BOD1L1: variants seen among roughly 807,000 people sequenced by gnomAD.
The protein encoded by BOD1L1 is biorientation of chromosomes in cell division protein 1-like 1.
Under a neutral mutation model 240.7 loss-of-function variants are expected in BOD1L1, and 86 were observed. The ratio of observed to expected loss-of-function variants is 0.36; its 90% CI spans 0.30 to 0.43. BOD1L1 has a LOEUF of 0.43. Among genes scored for constraint, BOD1L1 ranks in the 20% least tolerant of loss-of-function variants. The pLI is 1.00. For missense variants in BOD1L1, 3,554 were observed against 3,643.5 expected (o/e 0.98, Z 0.63); for synonymous variants, 1,268 against 1,272.3 (o/e 1.00, Z 0.07).
In BOD1L1 at chr4:13,577,964, C is replaced by A. The variant is rs567808639; in HGVS notation, c.8750-333G>T. 1.5e-5 allele frequency: 3 copies of A among 194,352 alleles called. No individual in the cohort carries two copies. The South Asian group carries it at 2.6e-4, about 17-fold the overall frequency. The allele number at this position is 194,352 out of a possible 1,614,324, so 12.0% of individuals were successfully genotyped here. A position where few individuals can be genotyped will look rare whatever the true frequency, so the allele number is the denominator to read the frequency against. ...AGTCATTCAGGCTGGAGTGCAGTGG[C>A]GTGATCTTGGCTCAATGCAACCTCC... is the stretch of plus-strand genomic sequence containing the variant. On this transcript the variant is annotated intron_variant, in intron 22 of 25. Coordinates refer to ENST00000040738, the MANE Select transcript of BOD1L1 (RefSeq NM_148894.3).
Position 13,591,974 on chromosome 4 carries a change from A to G in BOD1L1, c.8105-8T>C, listed in dbSNP as rs1714255025. 6.5e-7 allele frequency: 1 copy of G among 1,539,912 alleles called. No homozygotes were observed. Among genetic ancestry groups the G allele is most frequent in the Non-Finnish European group, 8.8e-7 (1 of 1,141,526 alleles). ...GCTCCCTCTGGAGTTCAGCTGTTCA[A>G]AAATAAAAATGAGATGTAAAGAAAC... is the stretch of plus-strand genomic sequence containing the variant. On this transcript the variant is annotated splice_polypyrimidine_tract_variant and splice_region_variant and intron_variant, in intron 12 of 25. Coordinates refer to ENST00000040738, the MANE Select transcript of BOD1L1 (RefSeq NM_148894.3).
intron 22 of BOD1L1, among the ~76,000 whole-genome samples, chr4:13,579,151 G>T (rs1713011887): frequency 6.6e-6 from 1 of 152,152 alleles, no homozygotes; most frequent in African/African-American, 2.4e-5. Context: ...AAAGAGGACT[G>T]TCTTAAAATG....
rs773765710 is a variant in BOD1L1 at position 13,602,881 on chromosome 4, G to T, written c.4019C>A (p.Thr1340Lys). 4 of 1,613,986 alleles carry T rather than the reference G, an allele frequency of 2.5e-6. No individual in the cohort carries two copies. The Admixed American group carries it at 5.0e-5, about 20-fold the overall frequency. The change falls in exon 10 of 26, where the codon ACA becomes AAA. Residue 1340 changes from threonine (T) to lysine (K), a missense_variant. By Grantham distance (78) the Thr-to-Lys change is moderately conservative (BLOSUM62 -1). Around this residue, in one of 2 missense-constraint regions of BOD1L1, gnomAD observed 3,393 missense variants for 3,427.1 expected, o/e 0.99. Coordinates refer to ENST00000040738, the MANE Select transcript of BOD1L1 (RefSeq NM_148894.3). The stretch of plus-strand genomic sequence containing the variant: ...TTCACCACCTTCTTTGCTGTCACTT[G>T]TCTTAAGGACTTCTGATTCCCTAAC... ...LTVRESEVLK[T>K]SDSKEGGEGF... is the part of the protein sequence containing the mutation.
intron 17 of BOD1L1, among the ~76,000 whole-genome samples, chr4:13,584,322 C>G (rs1190629638): frequency 6.6e-6 from 1 of 151,990 alleles, no homozygotes; most frequent in East Asian, 1.9e-4. Context: ...CTGCCATTTT[C>G]AGCTCAGGAC....
chr4:13,601,139 C>G lies in BOD1L1; in HGVS notation c.5761G>C (p.Ala1921Pro). 1 of 1,614,014 alleles carries G rather than the reference C, an allele frequency of 6.2e-7. No individual in the cohort carries two copies. The highest frequency in any genetic ancestry group is 8.5e-7 in the Non-Finnish European group (1 of 1,179,902). The change falls in exon 10 of 26, where the codon GCT becomes CCT. Residue 1921 changes from alanine (A) to proline (P), a missense_variant. By Grantham distance (27) the Ala-to-Pro change is conservative. Transcript: ENST00000040738. Reference protein sequence around the residue: ...VVEHVEAEAGAAIMNANENNV... With the variant: ...VVEHVEAEAGPAIMNANENNV... ...TTTTCATTTGCATTCATGATGGCAG[C>G]TCCAGCCTCAGCTTCCACATGCTCT...
rs1453133175 is a variant in BOD1L1, at chr4:13,602,716, A to G, written c.4184T>C (p.Val1395Ala). ...TTCTTTGGTAATATTCTCATTTTCC[A>G]CAATCACGCCCGTTAACTTACTTCC... ...PLGSKLTGVI[V>A]ENENITKEGG... Residue 1395 changes from valine (V) to alanine (A), a missense_variant, in exon 10 of 26, where the codon GTG (valine) becomes GCG (alanine). By Grantham distance (64) the Val-to-Ala change is moderately conservative. Around this residue, in one of 2 missense-constraint regions of BOD1L1, gnomAD observed 3,393 missense variants for 3,427.1 expected, o/e 0.99. Transcript: ENST00000040738. 1 of 1,613,990 alleles carries G rather than the reference A, an allele frequency of 6.2e-7. No individual in the cohort carries two copies. Among genetic ancestry groups the G allele is most frequent in the Middle Eastern group, 1.6e-4 (1 of 6,062 alleles).
intron 2 of BOD1L1, 35 bp downstream of exon 2, chr4:13,619,908 T>C (rs1365080840): frequency 6.2e-7 from 1 of 1,606,140 alleles, no homozygotes; most frequent in Non-Finnish European, 8.5e-7. Flanking sequence ...TTAGGACATT[T>C]AAAACCTGCC....
chr4:13,607,640 T>A (rs980298170), intron 8 of BOD1L1, among the ~76,000 whole-genome samples: 1 of 152,214 alleles, frequency 6.6e-6, no homozygotes, highest in African/African-American at 2.4e-5. Context: ...TGCAGACTTG[T>A]TACATTTCAA....
chr4:13,601,067 C>G lies in BOD1L1; in HGVS notation c.5833G>C (p.Asp1945His), dbSNP rs1224440231. 5.6e-6 allele frequency: 9 copies of G among 1,613,988 alleles called. No homozygotes were observed. In the Admixed American group the frequency reaches 1.3e-4, roughly 24 times the overall value. The change falls in exon 10 of 26, where the codon GAT (aspartate) becomes CAT (histidine). Residue 1945 changes from aspartate to histidine, a missense_variant. This residue lies in a region of BOD1L1 where 3,393 missense variants were observed against 3,427.1 expected (regional missense o/e 0.99). Transcript: ENST00000040738. The part of the protein sequence containing the change: ...SGTEKGSKDT[D>H]ICSSAKGIVE... ...ATCCCTTTTGCACTGGAGCAGATAT[C>G]TGTGTCTTTACTTCCTTTCTCTGTG...
intron 22 of BOD1L1, 58 bp from the exon 23 acceptor site, chr4:13,577,689 A>G: frequency 7.7e-7 from 1 of 1,303,826 alleles, no homozygotes; most frequent in Non-Finnish European, 1.1e-6. Flanking sequence ...TTAAATTTCA[A>G]CAATCAGCCT....
chr4:13,577,008 G>T lies in BOD1L1; in HGVS notation c.8885-17C>A, dbSNP rs761998260. ...CTGAGGATTCTGTTCAAATAGAAGG[G>T]TAACACCTGGATTTTACAATTCCCA... On this transcript the variant is annotated splice_polypyrimidine_tract_variant and intron_variant, in intron 24 of 25. Transcript: ENST00000040738. The T allele has an allele frequency of 3.7e-6, 6 of 1,611,880 alleles. No homozygotes were observed. The South Asian group carries it at 6.6e-5, about 18-fold the overall frequency.
At chr4:13,622,014 G>A (rs554065563) in intron 1 of BOD1L1, among the ~76,000 whole-genome samples, 23 of 151,620 alleles carry the variant, frequency 1.5e-4, no homozygotes, top group African/African-American at 4.6e-4. Flanking sequence ...ACAGGCATGC[G>A]CCACCACACC....
chr4:13,608,267 T>C (rs934118701), intron 8 of BOD1L1, among the ~76,000 whole-genome samples: 3 of 152,202 alleles, frequency 2.0e-5, no homozygotes, highest in African/African-American at 7.2e-5. Flanking sequence ...AGCTTATGCA[T>C]GTACATTTTT....
chr4:13,596,982 A>G, intron 11 of BOD1L1, 122 bp downstream of exon 11: 4 of 775,530 alleles, frequency 5.2e-6, no homozygotes, highest in Non-Finnish European at 8.2e-6. Flanking sequence ...CAATAACAAC[A>G]CTAAATATCA....
At chr4:13,595,692 T>C (rs557331570) in intron 12 of BOD1L1, among the ~76,000 whole-genome samples, 168 bp downstream of exon 12, 1 of 152,318 alleles carries the variant, frequency 6.6e-6, no homozygotes, top group Admixed American at 6.5e-5. Flanking sequence ...GAAAAGTGTA[T>C]GTTAAAAATA....
chr4:13,615,097 TACTC>T (rs1438975741), intron 3 of BOD1L1, among the ~76,000 whole-genome samples: 1 of 152,226 alleles, frequency 6.6e-6, no homozygotes, highest in Non-Finnish European at 1.5e-5. Context: ...TCTATTATCA[TACTC>T]ACACTCACAT....
rs755457959 is a variant in BOD1L1, at chr4:13,599,787, G to A, written c.7113C>T (p.His2371=). The A allele has an allele frequency of 1.5e-4, 237 of 1,613,884 alleles. 1 individual carries two copies. The Middle Eastern group carries it at 1.8e-3, about 12-fold the overall frequency. ...GDLSATEVSK[H]KVPMPSLIAE... Reference sequence around the variant, plus strand: ...CAATTAGGCTGGGCATGGGGACCTTGTGCTTGCTCACTTCTGTGGCTGACA... The same window carrying A: ...CAATTAGGCTGGGCATGGGGACCTTATGCTTGCTCACTTCTGTGGCTGACA... The change falls in exon 10 of 26, where the codon CAC becomes CAT. Residue 2371 remains histidine, a synonymous_variant. Coordinates refer to ENST00000040738, the MANE Select transcript of BOD1L1 (RefSeq NM_148894.3).
rs1560172648 is a variant in BOD1L1 at position 13,569,737 on chromosome 4, C to T, written c.*274G>A. The T allele has an allele frequency of 4.2e-6, 1 of 238,752 alleles. No homozygotes were observed. 14.8% of individuals were successfully genotyped at this position (238,752 alleles called of 1,614,324 possible). The stretch of plus-strand genomic sequence containing the variant: ...TTCATGATGTGTCACATTGGGAAAT[C>T]CCAATTTTGAATGTTAAAATATACA... On this transcript the variant is annotated 3_prime_UTR_variant, in exon 26 of 26. Transcript: ENST00000040738.
intron 12 of BOD1L1, among the ~76,000 whole-genome samples, chr4:13,595,037 T>C (rs1391967992): frequency 1.3e-5 from 2 of 152,232 alleles, no homozygotes; most frequent in Non-Finnish European, 2.9e-5. Context: ...GAAATAGCTG[T>C]TTTTTATTAA....
Sources: allele counts gnomAD v4.1 joint callset (sites outside exome capture counted in the v4.1 genomes callset), GRCh38; gene constraint gnomAD v4.1.1; regional missense constraint gnomAD v4.1.1; transcripts MANE v1.5; gene names NCBI Gene and HGNC (gene_info 2026-07-23, HGNC 2026-07-21).